The following CPEB2 variants were observed in gnomAD, a reference collection of about 807,000 sequenced individuals.
The protein encoded by CPEB2 is cytoplasmic polyadenylation element-binding protein 2.
Under a neutral mutation model 93.6 loss-of-function variants are expected in CPEB2, and 56 were observed. That is an observed-to-expected ratio of 0.60 (90% confidence interval 0.48 to 0.75). The LOEUF is 0.75. Ranked by LOEUF, CPEB2 falls within the 30% of genes least tolerant of loss-of-function variation. The pLI, the probability that CPEB2 is intolerant of heterozygous loss-of-function variation, is 0.00. For synonymous variants in CPEB2, 764 were observed against 586.3 expected (o/e 1.30, Z -4.38); for missense variants, 1,579 against 1,395.1 (o/e 1.13, Z -2.10).
chr4:15,065,444 A>T (rs1729614448), intron 11 of CPEB2, among the ~76,000 whole-genome samples: 1 of 152,138 alleles, frequency 6.6e-6, no homozygotes, highest in Non-Finnish European at 1.5e-5. Flanking sequence ...ATAGTAGCTA[A>T]TACTAATTTA....
At chr4:15,043,064 A>C (rs915308552) in intron 6 of CPEB2, among the ~76,000 whole-genome samples, 2 of 152,204 alleles carry the variant, frequency 1.3e-5, no homozygotes, top group African/African-American at 4.8e-5. Context: ...TTTTCACAGG[A>C]CATTCTGACT....
At chr4:15,005,332 G>A (rs925256411) in intron 1 of CPEB2, among the ~76,000 whole-genome samples, 1 of 152,192 alleles carries the variant, frequency 6.6e-6, no homozygotes, top group Non-Finnish European at 1.5e-5. Context: ...TTTTTTGGTT[G>A]CCTTAACCTT....
chr4:15,003,312 G>A lies in CPEB2; in HGVS notation c.639G>A (p.Pro213=). The change falls in exon 1 of 12, where the codon CCG becomes CCA. Residue 213 remains proline (P), a synonymous_variant. Transcript: ENST00000538197. ...HCPGRFSPPP[P]PAGPLLQPAQ... ...CCGGTCGGTTCAGCCCGCCGCCGCC[G>A]CCAGCCGGCCCGCTCCTCCAGCCGG... 3 of 1,423,788 alleles carry A rather than the reference G, an allele frequency of 2.1e-6. No individual in the cohort carries two copies. The highest frequency in any genetic ancestry group is 1.8e-6 in the Non-Finnish European group (2 of 1,102,678). The allele number at this position is 1,423,788 out of a possible 1,614,324, so 88.2% of individuals were successfully genotyped here.
At chr4:15,027,658 GA>G (rs1725631712) in intron 4 of CPEB2, among the ~76,000 whole-genome samples, 2 of 152,286 alleles carry the variant, frequency 1.3e-5, no homozygotes, top group Middle Eastern at 6.8e-3. Context: ...TCTGTCAAAT[GA>G]GTTGGGGCAA....
intron 1 of CPEB2, among the ~76,000 whole-genome samples, chr4:15,005,761 ATTTC>A (rs1722735037): frequency 1.3e-5 from 2 of 152,332 alleles, no homozygotes; most frequent in East Asian, 1.9e-4. Flanking sequence ...TGAATCACTG[ATTTC>A]TTTCTTAGAA....
intron 4 of CPEB2, among the ~76,000 whole-genome samples, chr4:15,029,228 A>AT (rs202069666): frequency 2.6e-5 from 4 of 151,350 alleles, no homozygotes; most frequent in African/African-American, 4.9e-5. Flanking sequence ...ACATTTTGGA[A>AT]TTTTTTTTTC....
In CPEB2 at chr4:15,045,733, G is replaced by T. The variant is rs536030828; in HGVS notation, c.2200+5246G>T. On this transcript the variant is annotated intron_variant, in intron 6 of 11. Transcript: ENST00000538197. ...AACGGCAAGGAAATATTACCTTTAA[G>T]ATTATTTATCTGGTGAAATAAAAAA... 2.6e-5 allele frequency among the ~76,000 whole-genome samples: 4 copies of T among 152,196 alleles called. No homozygotes were observed. The East Asian group carries it at 5.8e-4, about 22-fold the overall frequency.
Position 15,066,591 on chromosome 4 carries a change from T to A in CPEB2, c.*211T>A. 1.9e-6 allele frequency: 1 copy of A among 532,262 alleles called. No homozygotes were observed. Among genetic ancestry groups the A allele is most frequent in the Non-Finnish European group, 3.3e-6 (1 of 301,232 alleles). The allele number at this position is 532,262 out of a possible 1,614,324, so 33.0% of individuals were successfully genotyped here. A position where few individuals can be genotyped will look rare whatever the true frequency, so the allele number is the denominator to read the frequency against. On this transcript the variant is annotated 3_prime_UTR_variant, in exon 12 of 12. Coordinates refer to ENST00000538197, the MANE Select transcript of CPEB2 (RefSeq NM_001177382.2). Reference sequence around the variant, plus strand: ...CTCAGGCTTACTAATTTTTGTGATATTTTCATGTTCAAATAAAATGTTTTT... The same window carrying A: ...CTCAGGCTTACTAATTTTTGTGATAATTTCATGTTCAAATAAAATGTTTTT...
Position 15,043,916 on chromosome 4 carries a change from C to T in CPEB2, c.2200+3429C>T, listed in dbSNP as rs149173271. Among the ~76,000 whole-genome samples, 37 of 152,044 alleles carry T rather than the reference C, an allele frequency of 2.4e-4. No individual in the cohort carries two copies. In the East Asian group the frequency reaches 2.7e-3, roughly 11 times the overall value. ...CATAGTGTATAGTCATTCAGACTTA[C>T]GTGCTATAATAAATAAGGAATTATT... On this transcript the variant is annotated intron_variant, in intron 6 of 11. Transcript: ENST00000538197.
rs551476599 is a variant in CPEB2 at position 15,026,384 on chromosome 4, AC to A, written c.2126-6774del. 2.9e-3 allele frequency among the ~76,000 whole-genome samples: 443 copies of A among 151,550 alleles called. 5 individuals carry two copies. The highest frequency in any genetic ancestry group is 0.011 in the African/African-American group (438 of 41,320). On this transcript the variant is annotated intron_variant, in intron 4 of 11. Transcript: ENST00000538197. ...TGGGACTAGAAGCACATGCCACCAC[AC>A]CCGGCTAATTTTTTGTATTTTTAGT...
chr4:15,051,454 G>GA (rs1162262541), intron 6 of CPEB2, among the ~76,000 whole-genome samples: 2 of 151,574 alleles, frequency 1.3e-5, no homozygotes, highest in African/African-American at 2.4e-5. Context: ...CTTTCACTTG[G>GA]AAAAAAAGGA....
intron 4 of CPEB2, among the ~76,000 whole-genome samples, chr4:15,031,996 T>C (rs1386959601): frequency 2.0e-5 from 3 of 152,208 alleles, no homozygotes; most frequent in Non-Finnish European, 4.4e-5. Flanking sequence ...CTTACTTGTG[T>C]GCTAGCATAT....
At chr4:15,006,736 A>G (rs562129114) in intron 1 of CPEB2, among the ~76,000 whole-genome samples, 16 of 152,362 alleles carry the variant, frequency 1.1e-4, no homozygotes, top group Admixed American at 3.3e-4. Flanking sequence ...ACAGTTAAAT[A>G]AACAATGCAG....
rs1295138291 is a variant in CPEB2 at position 15,002,554 on chromosome 4, G to T, written c.-120G>T. On this transcript the variant is annotated 5_prime_UTR_variant, in exon 1 of 12. Transcript: ENST00000538197. The stretch of plus-strand genomic sequence containing the variant: ...GTCGGTGCCCCCTGGCTCAGTCACG[G>T]TGTCCCTCTCTCACTGACTCCCCCT... 4 of 778,396 alleles carry T rather than the reference G, an allele frequency of 5.1e-6. No homozygotes were observed. Among genetic ancestry groups the T allele is most frequent in the South Asian group, 2.1e-5 (1 of 48,092 alleles). 48.2% of individuals were successfully genotyped at this position (778,396 alleles called of 1,614,324 possible).
chr4:15,016,321 A>G (rs1025509912), intron 3 of CPEB2, among the ~76,000 whole-genome samples: 2 of 152,072 alleles, frequency 1.3e-5, no homozygotes, highest in African/African-American at 4.8e-5. Context: ...CTAGTAGTTC[A>G]CCACATACCT....
At chr4:15,031,240 A>T (rs75367091) in intron 4 of CPEB2, among the ~76,000 whole-genome samples, 4,133 of 152,032 alleles carry the variant, frequency 0.027, 88 homozygotes, top group South Asian at 0.13. Context: ...TATTATGCTG[A>T]ACAGTGATAC....
intron 1 of CPEB2, among the ~76,000 whole-genome samples, chr4:15,006,878 A>C (rs1210234980): frequency 6.6e-6 from 1 of 152,214 alleles, no homozygotes; most frequent in African/African-American, 2.4e-5. Flanking sequence ...TTGTATGAGT[A>C]GGATATTTTA....
chr4:15,006,565 A>G (rs901245050), intron 1 of CPEB2: 1 of 152,344 alleles, frequency 6.6e-6, no homozygotes, highest in South Asian at 2.1e-4. Flanking sequence ...ACTTGTATCA[A>G]GATCTCTAGT....
Position 15,054,011 on chromosome 4 carries a change from A to C in CPEB2, c.2372-117A>C. On this transcript the variant is annotated intron_variant, in intron 7 of 11. Transcript: ENST00000538197. The stretch of plus-strand genomic sequence containing the variant: ...ACATATTCCCAGTGTTTATATTCTA[A>C]TTTATCTTAAGGTATTTGGCACTTT... The C allele has an allele frequency of 5.0e-6, 3 of 604,152 alleles. No individual in the cohort carries two copies. In the South Asian group the frequency reaches 7.1e-5, roughly 14 times the overall value. The allele number at this position is 604,152 out of a possible 1,614,324, so 37.4% of individuals were successfully genotyped here. A position where few individuals can be genotyped will look rare whatever the true frequency, so the allele number is the denominator to read the frequency against.
Sources: gnomAD v4.1 joint callset for allele counts (sites outside exome capture counted in the v4.1 genomes callset) on GRCh38, gnomAD v4.1.1 for gene constraint, MANE v1.5 for transcripts, NCBI Gene and HGNC (gene_info 2026-07-23, HGNC 2026-07-21) for gene names.